KLHL1: variants seen among roughly 807,000 people sequenced by gnomAD.
KLHL1 encodes kelch like family member 1.
A neutral mutation model predicts 77.7 loss-of-function variants in KLHL1; 47 were observed. The ratio of observed to expected loss-of-function variants is 0.60; its 90% CI spans 0.48 to 0.77. The LOEUF is 0.77. KLHL1 is among the 30% of genes least tolerant of loss of function. The probability of loss-of-function intolerance (pLI) is 0.00; values close to 1 mark genes in which losing one functional copy is unlikely to be tolerated. For missense variants in KLHL1, 925 were observed against 910.8 expected, an observed-to-expected ratio of 1.02 and a Z score of -0.20; for synonymous variants, 360 against 325.2, an observed-to-expected ratio of 1.11 and a Z score of -1.15.
At chr13:69,829,645 C>T (rs1878683388) in intron 6 of KLHL1, among the ~76,000 whole-genome samples, 1 of 149,876 alleles carries the variant, frequency 6.7e-6, no homozygotes, top group South Asian at 2.1e-4. Flanking sequence ...AGCTACTCAA[C>T]AAGGCGCCAG....
intron 1 of KLHL1, among the ~76,000 whole-genome samples, chr13:70,036,905 G>T (rs918400722): frequency 1.4e-5 from 1 of 69,734 alleles, no homozygotes; most frequent in Non-Finnish European, 2.7e-5. Flanking sequence ...GTTCTTTAGT[G>T]TTACCCCAAA....
intron 6 of KLHL1, among the ~76,000 whole-genome samples, chr13:69,818,751 G>A (rs962732388): frequency 6.6e-6 from 1 of 152,096 alleles, no homozygotes; most frequent in African/African-American, 2.4e-5. Flanking sequence ...GCAAACTGAT[G>A]ACCTTGAACA....
At chr13:70,013,339 T>C (rs545519105) in intron 1 of KLHL1, among the ~76,000 whole-genome samples, 1 of 152,292 alleles carries the variant, frequency 6.6e-6, no homozygotes, top group Non-Finnish European at 1.5e-5. Flanking sequence ...GGTAATGATA[T>C]ATTACATGGC....
chr13:69,903,470 A>C (rs866551910), intron 4 of KLHL1, among the ~76,000 whole-genome samples: 56 of 142,642 alleles, frequency 3.9e-4, no homozygotes, highest in Non-Finnish European at 2.0e-4. Flanking sequence ...TTGAAATCTG[A>C]GTGAGAACTT....
rs114468147 is a variant in KLHL1 at position 70,085,837 on chromosome 13, G to A, written c.497+21366C>T. On this transcript the variant is annotated intron_variant, in intron 1 of 10. Transcript: ENST00000377844. ...CGAGATCGCACCACTGCACTCCAGC[G>A]TGGAAACAGAGCAAGACTCTGTCTC... 7.7e-3 allele frequency among the ~76,000 whole-genome samples: 1,173 copies of A among 152,120 alleles called. 19 individuals carry two copies. The highest frequency in any genetic ancestry group is 0.027 in the African/African-American group (1,107 of 41,498).
intron 9 of KLHL1, among the ~76,000 whole-genome samples, chr13:69,715,150 C>T (rs538817088): frequency 1.3e-5 from 2 of 152,270 alleles, no homozygotes; most frequent in South Asian, 2.1e-4. Flanking sequence ...GCTGCATCTA[C>T]TTAGAAAGCA....
chr13:69,945,788 A>C (rs1046132561), intron 3 of KLHL1, among the ~76,000 whole-genome samples: 1 of 152,168 alleles, frequency 6.6e-6, no homozygotes, highest in Non-Finnish European at 1.5e-5. Flanking sequence ...CTGCAGTTTT[A>C]TCTCTCCTAT....
rs538572454 is a variant in KLHL1 at position 69,920,884 on chromosome 13, A to G, written c.1014+19156T>C. 8.7e-4 allele frequency among the ~76,000 whole-genome samples: 133 copies of G among 152,314 alleles called. 2 individuals are homozygous for G. The South Asian group carries it at 0.026, about 30-fold the overall frequency. ...AGAAAGTAAAGATTGCACATGAAAT[A>G]AACAGGGATATTAAATAAAAAATAC... On this transcript the variant is annotated intron_variant, in intron 4 of 10. Coordinates refer to ENST00000377844, the MANE Select transcript of KLHL1 (RefSeq NM_020866.3).
intron 3 of KLHL1, among the ~76,000 whole-genome samples, chr13:69,956,369 C>G (rs1883888838): frequency 6.6e-6 from 1 of 150,786 alleles, no homozygotes; most frequent in African/African-American, 2.4e-5. Flanking sequence ...TTGCTCAATG[C>G]ATTCACAGGA....
chr13:70,044,895 T>C (rs569847752), intron 1 of KLHL1, among the ~76,000 whole-genome samples: 14 of 152,322 alleles, frequency 9.2e-5, no homozygotes, highest in Middle Eastern at 3.4e-3. Context: ...CTGAACTGGA[T>C]GGACTCCTGG....
At chr13:69,763,975 C>T (rs1048418511) in intron 7 of KLHL1, among the ~76,000 whole-genome samples, 9 of 152,036 alleles carry the variant, frequency 5.9e-5, no homozygotes, top group South Asian at 4.1e-4. Flanking sequence ...CCTTACAAAA[C>T]GCTCTGCTCT....
rs866963753 is a variant in KLHL1 at position 70,099,062 on chromosome 13, C to T, written c.497+8141G>A. Among the ~76,000 whole-genome samples the T allele has an allele frequency of 5.3e-5, 8 of 151,718 alleles. No homozygotes were observed. The East Asian group carries it at 5.8e-4, about 11-fold the overall frequency. ...TGTAACATGTCAAGAACACAGAAAA[C>T]GGTCTTATAATTTTCTGGTAATAAA... is the stretch of plus-strand genomic sequence containing the variant. On this transcript the variant is annotated intron_variant, in intron 1 of 10. Coordinates refer to ENST00000377844, the MANE Select transcript of KLHL1 (RefSeq NM_020866.3).
intron 1 of KLHL1, among the ~76,000 whole-genome samples, chr13:70,072,162 C>G (rs1324863997): frequency 6.6e-6 from 1 of 152,044 alleles, no homozygotes; most frequent in Non-Finnish European, 1.5e-5. Context: ...CTAAGAAATA[C>G]TATGCACAAC....
At chr13:69,840,090 GAATGAATA>G (rs1879184679) in intron 5 of KLHL1, among the ~76,000 whole-genome samples, 1 of 137,164 alleles carries the variant, frequency 7.3e-6, no homozygotes, top group South Asian at 2.3e-4. Flanking sequence ...AATGTTCATT[GAATGAATA>G]AAAATGGCAG....
chr13:69,801,586 A>G (rs1877384868), intron 6 of KLHL1, among the ~76,000 whole-genome samples: 1 of 152,164 alleles, frequency 6.6e-6, no homozygotes, highest in Admixed American at 6.6e-5. Context: ...AATAAAATCT[A>G]AAAGAATCGT....
chr13:69,978,487 TA>T (rs1330179516), intron 1 of KLHL1, among the ~76,000 whole-genome samples: 65 of 30,668 alleles, frequency 2.1e-3, no homozygotes, highest in Middle Eastern at 0.048. Context: ...CTGGTCAGAA[TA>T]TTTTTTTTTT....
intron 1 of KLHL1, among the ~76,000 whole-genome samples, chr13:70,040,112 A>G (rs1886339876): frequency 1.3e-5 from 2 of 152,034 alleles, no homozygotes; most frequent in African/African-American, 4.8e-5. Context: ...TCATTTATCT[A>G]CATGCATTGG....
At chr13:69,940,476 T>C (rs1883331182) in intron 3 of KLHL1, among the ~76,000 whole-genome samples, 1 of 152,116 alleles carries the variant, frequency 6.6e-6, no homozygotes, top group African/African-American at 2.4e-5. Flanking sequence ...CATATCTGTA[T>C]ACACGTCAGC....
chr13:69,909,358 C>A (rs1443621820), intron 4 of KLHL1, among the ~76,000 whole-genome samples: 1 of 151,642 alleles, frequency 6.6e-6, no homozygotes, highest in Non-Finnish European at 1.5e-5. Context: ...GAAGAAATAA[C>A]CCAAGTGCAA....
Sources: allele counts gnomAD v4.1 joint callset (sites outside exome capture counted in the v4.1 genomes callset), GRCh38; gene constraint gnomAD v4.1.1; transcripts MANE v1.5; gene names NCBI Gene and HGNC (gene_info 2026-07-23, HGNC 2026-07-21).